PHF20: variants seen among roughly 807,000 people sequenced by gnomAD.
PHF20 encodes glioma-expressed antigen 2.
In PHF20, 23 loss-of-function variants were observed where a neutral mutation model predicts 113.5. The ratio of observed to expected loss-of-function variants is 0.20; its 90% CI spans 0.15 to 0.29. The LOEUF is 0.29. Among genes scored for constraint, PHF20 ranks in the 10% least tolerant of loss-of-function variants. PHF20 has a pLI of 1.00. For synonymous variants in PHF20, 434 were observed against 457.3 expected, an observed-to-expected ratio of 0.95 and a Z score of 0.65; for missense variants, 943 against 1,219.6, an observed-to-expected ratio of 0.77 and a Z score of 3.38.
chr20:35,813,611 G>A (rs1394290353), intron 2 of PHF20, among the ~76,000 whole-genome samples: 1 of 152,076 alleles, frequency 6.6e-6, no homozygotes, highest in African/African-American at 2.4e-5. Flanking sequence ...TGTAATCCCA[G>A]CACTTTGGGA....
chr20:35,856,903 G>A (rs974839863), intron 4 of PHF20, among the ~76,000 whole-genome samples: 1 of 152,154 alleles, frequency 6.6e-6, no homozygotes, highest in African/African-American at 2.4e-5. Context: ...GAAAATTATT[G>A]GGGTCAGATT....
chr20:35,932,419 A>G (rs1393560076), intron 15 of PHF20, among the ~76,000 whole-genome samples: 1 of 140,110 alleles, frequency 7.1e-6, no homozygotes, highest in Non-Finnish European at 1.5e-5. Flanking sequence ...AAAATTTACC[A>G]TCTTAACCAT....
intron 1 of PHF20, among the ~76,000 whole-genome samples, chr20:35,788,054 A>C (rs2041459376): frequency 6.6e-6 from 1 of 152,108 alleles, no homozygotes; most frequent in African/African-American, 2.4e-5. Flanking sequence ...CTGGGATTAC[A>C]GGTGTGAGCT....
At chr20:35,814,178 C>G (rs1662055561) in intron 2 of PHF20, among the ~76,000 whole-genome samples, 1 of 151,930 alleles carries the variant, frequency 6.6e-6, no homozygotes, top group Non-Finnish European at 1.5e-5. Flanking sequence ...GGTAAGAAAT[C>G]TATTTTTTGA....
Position 35,865,497 on chromosome 20 carries a change from GTTTTTTTT to G in PHF20, c.808+2115_808+2122del, listed in dbSNP as rs201623482. On this transcript the variant is annotated intron_variant, in intron 6 of 17. Transcript: ENST00000374012. Reference sequence around the variant, plus strand: ...TATTTAAATTAACTTTTTAAGTTGTGTTTTTTTTTTTTTTTTTTTTTTTTTGACAGGGT... The same window carrying G: ...TATTTAAATTAACTTTTTAAGTTGTGTTTTTTTTTTTTTTTTTGACAGGGT... Among the ~76,000 whole-genome samples the G allele has an allele frequency of 3.7e-4, 36 of 96,600 alleles. 1 individual carries two copies. The highest frequency in any genetic ancestry group is 1.4e-3 in the African/African-American group (32 of 22,584). The allele number at this position is 96,600 out of a possible 152,430, so 63.4% of individuals were successfully genotyped here. A position where few individuals can be genotyped will look rare whatever the true frequency, so the allele number is the denominator to read the frequency against.
intron 1 of PHF20, among the ~76,000 whole-genome samples, chr20:35,773,537 C>T (rs2041107278): frequency 6.6e-6 from 1 of 152,160 alleles, no homozygotes; most frequent in African/African-American, 2.4e-5. Flanking sequence ...GGGAAGGATT[C>T]CTCTCCTAAA....
At chr20:35,943,115 A>G (rs533910083) in intron 17 of PHF20, among the ~76,000 whole-genome samples, 15 of 152,242 alleles carry the variant, frequency 9.9e-5, no homozygotes, top group South Asian at 8.3e-4. Context: ...GAGCCACCGT[A>G]CCCAGCCCTA....
rs565219766 is a variant in PHF20, at chr20:35,831,690, C to T, written c.84-10883C>T. Among the ~76,000 whole-genome samples the T allele has an allele frequency of 2.6e-4, 40 of 152,280 alleles. No homozygotes were observed. In the South Asian group the frequency reaches 7.9e-3, roughly 30 times the overall value. ...TGGTCTTGAACTCCTGGCCTCCTGC[C>T]TTGGCCTCTGAAAGCACTGGGATTA... On this transcript the variant is annotated intron_variant, in intron 2 of 17. Coordinates refer to ENST00000374012, the MANE Select transcript of PHF20 (RefSeq NM_016436.5).
rs372976550 is a variant in PHF20, at chr20:35,947,644, C to G, written c.*17C>G. 1.5e-5 allele frequency: 24 copies of G among 1,610,042 alleles called. No homozygotes were observed. The highest frequency in any genetic ancestry group is 1.5e-4 in the African/African-American group (11 of 74,944). On this transcript the variant is annotated 3_prime_UTR_variant, in exon 18 of 18. Transcript: ENST00000374012. ...TCAACATGAAACTGGGCACCCAAAA[C>G]TCATGGGGGCACAATCCTGGGGCAC... is the stretch of plus-strand genomic sequence containing the variant.
At chr20:35,820,916 C>G (rs1290523706) in intron 2 of PHF20, among the ~76,000 whole-genome samples, 4 of 151,862 alleles carry the variant, frequency 2.6e-5, no homozygotes, top group Non-Finnish European at 4.4e-5. Context: ...GGGTTGCAGA[C>G]AGAGGCAGCC....
chr20:35,812,187 G>A (rs1052568256), intron 2 of PHF20, among the ~76,000 whole-genome samples: 12 of 152,200 alleles, frequency 7.9e-5, no homozygotes, highest in Middle Eastern at 3.4e-3. Context: ...ATTTAATTTA[G>A]CAATAATTTT....
chr20:35,788,469 C>G (rs890683621), intron 1 of PHF20, among the ~76,000 whole-genome samples: 2 of 152,164 alleles, frequency 1.3e-5, no homozygotes, highest in Non-Finnish European at 2.9e-5. Context: ...TGGCCTCACT[C>G]AAGTGATCCT....
intron 2 of PHF20, among the ~76,000 whole-genome samples, chr20:35,804,233 T>G (rs1421772045): frequency 2.9e-5 from 4 of 137,968 alleles, no homozygotes; most frequent in African/African-American, 8.4e-5. Context: ...CTGTATGTTT[T>G]TTTTTTTTTT....
chr20:35,785,865 T>A (rs1452348942), intron 1 of PHF20, among the ~76,000 whole-genome samples: 1 of 147,082 alleles, frequency 6.8e-6, no homozygotes, highest in Non-Finnish European at 1.5e-5. Context: ...ATCCCGTCTC[T>A]ACTAAAAATA....
chr20:35,823,545 T>G lies in PHF20; in HGVS notation c.84-19028T>G, dbSNP rs75091732. On this transcript the variant is annotated intron_variant, in intron 2 of 17. Transcript: ENST00000374012. ...AGGCTGGGGTGGGAGGAAGACTGCT[T>G]GAGCCCAGGAGGTCAAGGCTGCAGC... 2.3e-3 allele frequency among the ~76,000 whole-genome samples: 344 copies of G among 148,506 alleles called. 1 individual carries two copies. The highest frequency in any genetic ancestry group is 7.2e-3 in the South Asian group (34 of 4,724).
At chr20:35,792,785 C>A (rs977656166) in intron 1 of PHF20, among the ~76,000 whole-genome samples, 3 of 152,132 alleles carry the variant, frequency 2.0e-5, no homozygotes, top group African/African-American at 7.2e-5. Flanking sequence ...CCATTGCCAT[C>A]ACCAGTACCA....
chr20:35,819,969 G>A (rs1457406836), intron 2 of PHF20, among the ~76,000 whole-genome samples: 1 of 151,888 alleles, frequency 6.6e-6, no homozygotes, highest in African/African-American at 2.4e-5. Context: ...GCTATGAAGG[G>A]GGTACTTTTA....
intron 1 of PHF20, among the ~76,000 whole-genome samples, chr20:35,773,948 A>G (rs1600712020): frequency 2.0e-5 from 3 of 152,014 alleles, no homozygotes; most frequent in South Asian, 2.1e-4. Context: ...CTTCTTCCCT[A>G]TATTGGCTTT....
chr20:35,850,585 G>GTTTTTTTTTTTTTTTTT (rs58771222), intron 4 of PHF20: 1 of 37,618 alleles, frequency 2.7e-5, no homozygotes, highest in African/African-American at 2.1e-4. Context: ...ATTATGAGCT[G>GTTTTTTTTTTTTTTTTT]TTTTTTTTTT....
Sources: allele counts gnomAD v4.1 joint callset (sites outside exome capture counted in the v4.1 genomes callset), GRCh38; gene constraint gnomAD v4.1.1; transcripts MANE v1.5; gene names NCBI Gene and HGNC (gene_info 2026-07-23, HGNC 2026-07-21).